TUT4: variants seen among roughly 807,000 people sequenced by gnomAD.
TUT4 encodes the protein terminal uridylyl transferase 4, also known as terminal uridylyltransferase 4.
A neutral mutation model predicts 192.2 loss-of-function variants in TUT4; 36 were observed. The observed-to-expected ratio is 0.19, with a 90% CI of 0.14 to 0.25. TUT4 has a LOEUF of 0.25. TUT4 is among the 10% of genes least tolerant of loss of function. TUT4 has a pLI of 1.00. For missense variants in TUT4, 1,493 were observed against 1,957.2 expected, an observed-to-expected ratio of 0.76 and a Z score of 4.47; for synonymous variants, 618 against 666.0, an observed-to-expected ratio of 0.93 and a Z score of 1.11.
intron 20 of TUT4, among the ~76,000 whole-genome samples, chr1:52,456,607 A>G (rs1570490519): frequency 6.6e-6 from 1 of 152,032 alleles, no homozygotes; most frequent in East Asian, 1.9e-4. Flanking sequence ...GCTACATACT[A>G]TATGATTCCA....
intron 28 of TUT4, among the ~76,000 whole-genome samples, chr1:52,428,624 TAAA>T (rs772389695): frequency 8.2e-5 from 6 of 72,898 alleles, no homozygotes; most frequent in Non-Finnish European, 1.1e-4. Flanking sequence ...AGACTCCCTC[TAAA>T]AAAAAAAAAA....
chr1:52,446,412 T>C lies in TUT4; in HGVS notation c.3544A>G (p.Thr1182Ala). 6.2e-7 allele frequency: 1 copy of C among 1,603,258 alleles called. No homozygotes were observed. The highest frequency in any genetic ancestry group is 1.1e-5 in the South Asian group (1 of 87,932). The change falls in exon 22 of 30, where the codon ACA (threonine) becomes GCA (alanine). Residue 1182 changes from threonine (T) to alanine (A), a missense_variant. Physicochemically the swap from Thr to Ala is moderately conservative, Grantham distance 58. Around this residue, in one of 7 missense-constraint regions of TUT4, gnomAD observed 141 missense variants for 382.7 expected, o/e 0.37. Transcript: ENST00000257177. ...KKRLPSLGKN[T>A]ESLGELWLGL... ...AGCCAAAGCTCCCCTAATGATTCTG[T>C]GTTCTTTCCAAGTGAAGGTAAACGC...
At chr1:52,442,467 G>C (rs564950263) in intron 24 of TUT4, among the ~76,000 whole-genome samples, 28 of 152,270 alleles carry the variant, frequency 1.8e-4, no homozygotes, top group African/African-American at 6.5e-4. Context: ...CTATGTACAA[G>C]GACATTTTTG....
In TUT4 at chr1:52,425,526, G is replaced by A; in HGVS notation, c.4712-19C>T. 6.3e-7 allele frequency: 1 copy of A among 1,595,792 alleles called. No individual in the cohort carries two copies. On this transcript the variant is annotated intron_variant, in intron 28 of 29. Coordinates refer to ENST00000257177, the MANE Select transcript of TUT4 (RefSeq NM_001009881.3). ...CCTGGCTCTGCATTTCAACAAGAGG[G>A]AAAAAGACATTTAAAAACATTAGTT...
chr1:52,475,909 A>G (rs769014106), intron 12 of TUT4, among the ~76,000 whole-genome samples: 17 of 151,758 alleles, frequency 1.1e-4, no homozygotes, highest in Non-Finnish European at 2.1e-4. Context: ...CAGTGCTATG[A>G]TCTCAGCTCA....
intron 29 of TUT4, chr1:52,425,013 T>A (rs995475861): frequency 4.5e-5 from 8 of 177,086 alleles, no homozygotes; most frequent in Admixed American, 1.9e-4. Context: ...AAAAAAAAAA[T>A]TCCTGCATCT....
Position 52,471,959 on chromosome 1 carries a change from T to C in TUT4, c.2871A>G (p.Arg957=). 1 of 1,612,502 alleles carries C rather than the reference T, an allele frequency of 6.2e-7. No homozygotes were observed. Among genetic ancestry groups the C allele is most frequent in the Non-Finnish European group, 8.5e-7 (1 of 1,179,200 alleles). The change falls in exon 14 of 30, where the codon AGA becomes AGG. Residue 957 remains arginine, a synonymous_variant. Transcript: ENST00000257177. ...TAGTAATGAAAGACTTACCAAAACA[T>C]CTTTTACATACTAAATCAAGTATTT... ...FREILDLVCK[R]CFDELSPPCS...
rs1666703559 is a variant in TUT4, at chr1:52,474,898, A to T, written c.2661T>A (p.Asp887Glu). The stretch of plus-strand genomic sequence containing the variant: ...ATTCCTGGGTGGGGAGGTTATCATC[A>T]TCATTAAGGTCAGAAGCATCTTCTG... ...KATEDASDLNDDDNLPTQELY... is the reference protein window; with the variant it reads ...KATEDASDLNEDDNLPTQELY... Residue 887 changes from aspartate (D) to glutamate (E), a missense_variant, in exon 13 of 30, where the codon GAT becomes GAA. This residue lies in a region of TUT4 where 245 missense variants were observed against 218.4 expected (regional missense o/e 1.12). Coordinates refer to ENST00000257177, the MANE Select transcript of TUT4 (RefSeq NM_001009881.3). 6.2e-7 allele frequency: 1 copy of T among 1,613,850 alleles called. No homozygotes were observed. The highest frequency in any genetic ancestry group is 1.1e-5 in the South Asian group (1 of 91,062).
At chr1:52,489,343 A>G (rs1286472857) in intron 8 of TUT4, among the ~76,000 whole-genome samples, 1 of 152,218 alleles carries the variant, frequency 6.6e-6, no homozygotes, top group African/African-American at 2.4e-5. Flanking sequence ...TGAATTATCA[A>G]AACTGATATA....
chr1:52,444,065 C>T (rs182192345), intron 24 of TUT4, among the ~76,000 whole-genome samples: 105 of 152,098 alleles, frequency 6.9e-4, no homozygotes, highest in African/African-American at 2.3e-3. Flanking sequence ...GTGAAATCCC[C>T]TCTCTACTAA....
At chr1:52,424,322 A>G in intron 29 of TUT4, 2 of 315,848 alleles carry the variant, frequency 6.3e-6, no homozygotes, top group South Asian at 6.7e-5. Flanking sequence ...TTCTTTGCTC[A>G]AGAGAAGAGC....
chr1:52,449,848 A>G (rs529965633), intron 20 of TUT4, among the ~76,000 whole-genome samples: 11 of 152,258 alleles, frequency 7.2e-5, no homozygotes, highest in African/African-American at 2.4e-4. Context: ...TGACTACTCT[A>G]GGTACTTCAT....
intron 9 of TUT4, among the ~76,000 whole-genome samples, chr1:52,484,502 T>A (rs946044075): frequency 5.3e-5 from 8 of 152,288 alleles, no homozygotes; most frequent in African/African-American, 1.2e-4. Context: ...CTTCTAGGTA[T>A]CCTATCATAG....
At chr1:52,541,867 C>T (rs1303107048) in intron 1 of TUT4, among the ~76,000 whole-genome samples, 1 of 152,150 alleles carries the variant, frequency 6.6e-6, no homozygotes, top group Non-Finnish European at 1.5e-5. Context: ...ACCCAAATAA[C>T]CAAAAGCAGA....
intron 11 of TUT4, among the ~76,000 whole-genome samples, chr1:52,478,643 G>A (rs1189930385): frequency 6.6e-6 from 1 of 152,186 alleles, no homozygotes; most frequent in Non-Finnish European, 1.5e-5. Flanking sequence ...ATTAGGAGGG[G>A]AGAGACAATT....
intron 9 of TUT4, among the ~76,000 whole-genome samples, chr1:52,486,224 A>G (rs940959242): frequency 3.0e-4 from 45 of 152,170 alleles, no homozygotes; most frequent in African/African-American, 9.4e-4. Flanking sequence ...TAAAACCCAG[A>G]TATCTCTTTC....
Position 52,431,202 on chromosome 1 carries a change from T to C in TUT4, c.4522A>G (p.Ile1508Val), listed in dbSNP as rs764073631. 5.6e-6 allele frequency: 9 copies of C among 1,614,162 alleles called. No homozygotes were observed. In the South Asian group the frequency reaches 9.9e-5, roughly 18 times the overall value. The change falls in exon 28 of 30, where the codon ATC becomes GTC. Residue 1508 changes from isoleucine (I) to valine (V), a missense_variant. By Grantham distance (29) the Ile-to-Val change is conservative. Transcript: ENST00000257177. ...PLQIPAPSWP[I>V]HGPVIHSAPG... ...GCAGAGTGGATCACTGGGCCATGGA[T>C]GGGCCAGGACGGGGCAGGGATCTGG...
intron 1 of TUT4, among the ~76,000 whole-genome samples, chr1:52,540,198 G>A: frequency 6.9e-6 from 1 of 144,936 alleles, no homozygotes; most frequent in African/African-American, 2.6e-5. Context: ...CAGCCTGGGT[G>A]ACAGAGCGAG....
intron 27 of TUT4, chr1:52,433,478 A>G (rs927933804): frequency 5.3e-5 from 8 of 152,336 alleles, no homozygotes; most frequent in African/African-American, 1.2e-4. Context: ...GAGATATAAA[A>G]CACAGGAGGA....
Sources: allele counts gnomAD v4.1 joint callset (sites outside exome capture counted in the v4.1 genomes callset), GRCh38; gene constraint gnomAD v4.1.1; regional missense constraint gnomAD v4.1.1; transcripts MANE v1.5; gene names NCBI Gene and HGNC (gene_info 2026-07-23, HGNC 2026-07-21).